Variants in LRRC49 observed in about 807,000 individuals in gnomAD.
LRRC49 encodes the protein leucine rich repeat containing 49.
A neutral mutation model predicts 83.3 loss-of-function variants in LRRC49; 50 were observed. The ratio of observed to expected loss-of-function variants is 0.60; its 90% CI spans 0.48 to 0.76. The LOEUF is 0.76. Among genes scored for constraint, LRRC49 ranks in the 30% least tolerant of loss-of-function variants. The pLI, the probability that LRRC49 is intolerant of heterozygous loss-of-function variation, is 0.00. For synonymous variants in LRRC49, 286 were observed against 283.3 expected (o/e 1.01, Z -0.10); for missense variants, 704 against 809.1 (o/e 0.87, Z 1.58).
At chr15:71,012,675 C>T in intron 13 of LRRC49, 129 bp from the exon 14 acceptor site, 1 of 596,790 alleles carries the variant, frequency 1.7e-6, no homozygotes, top group South Asian at 2.1e-5. Context: ...CTTTCCACAG[C>T]ACAGGAGAAT....
chr15:71,007,719 A>C (rs974996395), intron 11 of LRRC49, among the ~76,000 whole-genome samples: 1 of 117,692 alleles, frequency 8.5e-6, no homozygotes, highest in East Asian at 2.8e-4. Flanking sequence ...GTATATATAT[A>C]TATATATATA....
At chr15:70,881,557 A>G (rs1253676881) in intron 2 of LRRC49, 1 of 152,196 alleles carries the variant, frequency 6.6e-6, no homozygotes, top group Non-Finnish European at 1.5e-5. Flanking sequence ...CTCAGAAACT[A>G]TTGTAACAGT....
intron 6 of LRRC49, among the ~76,000 whole-genome samples, chr15:70,916,553 C>T (rs988253189): frequency 1.3e-5 from 2 of 152,190 alleles, no homozygotes; most frequent in African/African-American, 4.8e-5. Flanking sequence ...CCTCAGCCTC[C>T]CAAAGTACTG....
chr15:70,957,979 G>A (rs1567070003), intron 8 of LRRC49, among the ~76,000 whole-genome samples: 1 of 152,084 alleles, frequency 6.6e-6, no homozygotes, highest in Admixed American at 6.5e-5. Flanking sequence ...TTTAAGTGTA[G>A]AGTTCAATGA....
chr15:70,958,226 T>C (rs2036472931), intron 8 of LRRC49, among the ~76,000 whole-genome samples: 1 of 152,208 alleles, frequency 6.6e-6, no homozygotes, highest in Non-Finnish European at 1.5e-5. Flanking sequence ...GCTTTATAAC[T>C]AGCTTTTGAT....
intron 2 of LRRC49, among the ~76,000 whole-genome samples, chr15:70,880,225 A>G (rs1470978766): frequency 1.3e-5 from 2 of 152,150 alleles, no homozygotes; most frequent in African/African-American, 4.8e-5. Flanking sequence ...CCTATCTAAA[A>G]CAGCTCAACA....
chr15:71,038,915 A>G (rs539925456), intron 15 of LRRC49, among the ~76,000 whole-genome samples: 1 of 152,268 alleles, frequency 6.6e-6, no homozygotes, highest in Admixed American at 6.5e-5. Flanking sequence ...GTAATATACT[A>G]GGGCTATAAA....
intron 9 of LRRC49, among the ~76,000 whole-genome samples, chr15:70,975,563 C>T (rs187941203): frequency 2.0e-5 from 3 of 151,992 alleles, no homozygotes; most frequent in Non-Finnish European, 2.9e-5. Flanking sequence ...TGTGGAGGCA[C>T]ACGCCTGTAG....
At chr15:70,966,542 A>T (rs2036801314) in intron 9 of LRRC49, among the ~76,000 whole-genome samples, 1 of 152,046 alleles carries the variant, frequency 6.6e-6, no homozygotes, top group Non-Finnish European at 1.5e-5. Context: ...GAAATTGTAT[A>T]ACGTCCTCCT....
chr15:71,030,986 C>T (rs1365989312), intron 14 of LRRC49, among the ~76,000 whole-genome samples: 2 of 152,066 alleles, frequency 1.3e-5, no homozygotes, highest in African/African-American at 4.8e-5. Flanking sequence ...TATTACCCAT[C>T]TTCTGAAGCC....
intron 2 of LRRC49, among the ~76,000 whole-genome samples, chr15:70,885,806 T>C (rs578227925): frequency 6.6e-5 from 10 of 152,168 alleles, no homozygotes; most frequent in Non-Finnish European, 1.5e-4. Flanking sequence ...GTAATTAAGA[T>C]AAAAATTCCA....
In LRRC49 at chr15:71,009,910, C is replaced by G. The variant is rs2038593583; in HGVS notation, c.1511C>G (p.Pro504Arg). ...DQLTIDPQGN[P>R]VVNFTLWKYY... ...TTGACAATTGATCCTCAAGGAAATC[C>G]AGTTGTCAATTTTACACTCTGGAAA... Residue 504 changes from proline (P) to arginine (R), a missense_variant, in exon 13 of 16, where the codon CCA becomes CGA. By Grantham distance (103) the Pro-to-Arg change is moderately radical (BLOSUM62 -2). Coordinates refer to ENST00000260382, the MANE Select transcript of LRRC49 (RefSeq NM_017691.5). 6.2e-7 allele frequency: 1 copy of G among 1,612,168 alleles called. No individual in the cohort carries two copies. The highest frequency in any genetic ancestry group is 1.7e-5 in the Admixed American group (1 of 59,912).
At chr15:70,892,375 G>A, upstream of LRRC49, 1 of 1,546,576 alleles carries the variant, frequency 6.5e-7, no homozygotes, top group East Asian at 2.4e-5. Flanking sequence ...CTCCTCACCT[G>A]TCCACTCCGG....
intron 11 of LRRC49, among the ~76,000 whole-genome samples, chr15:70,992,189 G>T (rs2037906094): frequency 6.6e-6 from 1 of 152,144 alleles, no homozygotes; most frequent in Non-Finnish European, 1.5e-5. Flanking sequence ...CTCTACACTG[G>T]TTATTCTAGT....
intron 14 of LRRC49, among the ~76,000 whole-genome samples, chr15:71,019,756 C>A (rs994958311): frequency 6.6e-6 from 1 of 152,136 alleles, no homozygotes; most frequent in Non-Finnish European, 1.5e-5. Context: ...GAATTCATAA[C>A]ACATAACTAG....
chr15:70,996,722 A>G (rs962877111), intron 11 of LRRC49, among the ~76,000 whole-genome samples: 1 of 152,154 alleles, frequency 6.6e-6, no homozygotes, highest in Admixed American at 6.5e-5. Flanking sequence ...TTCATCCACT[A>G]TAGGCAATAG....
At chr15:71,023,284 G>T (rs1330888986) in intron 14 of LRRC49, among the ~76,000 whole-genome samples, 3 of 152,142 alleles carry the variant, frequency 2.0e-5, no homozygotes, top group Non-Finnish European at 4.4e-5. Flanking sequence ...TTAAAGAAAA[G>T]AAATGATGTT....
At chr15:70,882,436 G>A (rs563940504) in intron 2 of LRRC49, 1 of 1,563,526 alleles carries the variant, frequency 6.4e-7, no homozygotes, top group South Asian at 1.1e-5. Flanking sequence ...GCACATCAGA[G>A]CATTTGATGT....
At chr15:70,857,632 T>C (rs556574489) in intron 1 of LRRC49, among the ~76,000 whole-genome samples, 1 of 152,316 alleles carries the variant, frequency 6.6e-6, no homozygotes, top group South Asian at 2.1e-4. Flanking sequence ...GCCTGAGACA[T>C]GATCCATGAA....
Sources: allele counts gnomAD v4.1 joint callset (sites outside exome capture counted in the v4.1 genomes callset), GRCh38; gene constraint gnomAD v4.1.1; transcripts MANE v1.5; gene names NCBI Gene and HGNC (gene_info 2026-07-23, HGNC 2026-07-21).